Variants in SRGAP3 observed in about 807,000 individuals in gnomAD.
SRGAP3 encodes the protein SLIT-ROBO Rho GTPase-activating protein 3.
In SRGAP3, 39 loss-of-function variants were observed where a neutral mutation model predicts 121.1. The ratio of observed to expected loss-of-function variants is 0.32; its 90% CI spans 0.25 to 0.42. SRGAP3 has a LOEUF of 0.42. Among genes scored for constraint, SRGAP3 ranks in the 10% least tolerant of loss-of-function variants. The pLI is 1.00. For missense variants in SRGAP3, 1,213 were observed against 1,470.6 expected, an observed-to-expected ratio of 0.82 and a Z score of 2.86; for synonymous variants, 601 against 570.0, an observed-to-expected ratio of 1.05 and a Z score of -0.77.
At chr3:9,113,737 G>A (rs1231549328) in intron 2 of SRGAP3, among the ~76,000 whole-genome samples, 1 of 152,028 alleles carries the variant, frequency 6.6e-6, no homozygotes, top group Non-Finnish European at 1.5e-5. Flanking sequence ...GATAGTGAAT[G>A]AGTTCTCACA....
At position 9,096,937 on chromosome 3, in the gene SRGAP3, GTATATATATATATATATATA is replaced by G. The variant is rs58305278; in HGVS notation, c.423+7723_423+7742del. ...AATTATATATTTTTTACATTATTTTGTATATATATATATATATATATATATATATATATATATATATATAC... is the reference window on the plus strand; with the variant it reads ...AATTATATATTTTTTACATTATTTTGTATATATATATATATATATATATAC... On this transcript the variant is annotated intron_variant, in intron 3 of 21. Coordinates refer to ENST00000383836, the MANE Select transcript of SRGAP3 (RefSeq NM_014850.4). Among the ~76,000 whole-genome samples the G allele has an allele frequency of 8.8e-4, 54 of 61,324 alleles. 1 individual carries two copies. The highest frequency in any genetic ancestry group is 4.7e-3 in the East Asian group (7 of 1,496). 40.2% of individuals were successfully genotyped at this position (61,324 alleles called of 152,430 possible). A position where few individuals can be genotyped will look rare whatever the true frequency, so the allele number is the denominator to read the frequency against.
At chr3:9,119,467 T>C (rs896606488) in intron 2 of SRGAP3, among the ~76,000 whole-genome samples, 7 of 152,372 alleles carry the variant, frequency 4.6e-5, no homozygotes, top group African/African-American at 1.7e-4. Flanking sequence ...CCTCCACTGC[T>C]GCACGTTGCT....
Position 8,985,762 on chromosome 3 carries a change from G to A in SRGAP3, c.3057C>T (p.Arg1019=), listed in dbSNP as rs149990834. 2.5e-5 allele frequency: 40 copies of A among 1,599,510 alleles called. No homozygotes were observed. The African/African-American group carries it at 4.5e-4, about 18-fold the overall frequency. The change falls in exon 22 of 22, where the codon CGC becomes CGT. Residue 1019 remains arginine (R), a synonymous_variant. Transcript: ENST00000383836. The surrounding 1 kb of genome is among the most constrained non-coding windows in gnomAD (Gnocchi z 5.1). ...PASPLHTIVI[R]DPDAAMRRSS... ...TGCGGCGCATGGCGGCATCGGGGTC[G>A]CGGATGACGATGGTGTGAAGGGGAC...
chr3:9,080,515 T>C lies in SRGAP3; in HGVS notation c.424-428A>G, dbSNP rs112948502. 3.9e-5 allele frequency among the ~76,000 whole-genome samples: 6 copies of C among 152,338 alleles called. 1 individual carries two copies. The highest frequency in any genetic ancestry group is 1.4e-4 in the African/African-American group (6 of 41,578). On this transcript the variant is annotated intron_variant, in intron 3 of 21. Transcript: ENST00000383836. ...AGAACACACTTTGAGAAACAATGATTTGGCATCCCAATTCCTCTTGAGAGT... is the reference window on the plus strand; with the variant it reads ...AGAACACACTTTGAGAAACAATGATCTGGCATCCCAATTCCTCTTGAGAGT...
chr3:9,257,889 G>T (rs1017172923), intron 3 of SRGAP3, among the ~76,000 whole-genome samples: 9 of 151,958 alleles, frequency 5.9e-5, no homozygotes, highest in African/African-American at 2.2e-4. Flanking sequence ...ATTTTTAGTA[G>T]AGACGGGGTT....
At chr3:9,164,995 T>C (rs573741992) in intron 1 of SRGAP3, among the ~76,000 whole-genome samples, 1 of 152,246 alleles carries the variant, frequency 6.6e-6, no homozygotes, top group Non-Finnish European at 1.5e-5. Flanking sequence ...TGGAGTCCCA[T>C]GATCCCATAC....
intron 3 of SRGAP3, among the ~76,000 whole-genome samples, chr3:9,322,626 T>C (rs1955456144): frequency 6.6e-6 from 1 of 151,764 alleles, no homozygotes; most frequent in Non-Finnish European, 1.5e-5. Context: ...GGGATGTAGG[T>C]TGCATGCTCC....
chr3:9,223,363 G>T (rs1952879295), intron 1 of SRGAP3, among the ~76,000 whole-genome samples: 1 of 152,094 alleles, frequency 6.6e-6, no homozygotes, highest in African/African-American at 2.4e-5. Flanking sequence ...AGAGTACCTA[G>T]GTTAATAAGT....
Position 9,049,323 on chromosome 3 carries a change from T to C in SRGAP3, c.1324-1848A>G, listed in dbSNP as rs1945441249. On this transcript the variant is annotated intron_variant, in intron 9 of 21. Coordinates refer to ENST00000383836, the MANE Select transcript of SRGAP3 (RefSeq NM_014850.4). ...TTGTGGTGTCCTCTCTCCTTTTCCA[T>C]GGTCCTAGGCTCCCAGGACCTGGCC... 1.1e-5 allele frequency: 5 copies of C among 443,962 alleles called. No homozygotes were observed. In the Admixed American group the frequency reaches 1.2e-4, roughly 11 times the overall value. The allele number at this position is 443,962 out of a possible 1,614,324, so 27.5% of individuals were successfully genotyped here.
chr3:9,323,181 G>T (rs562194825), intron 3 of SRGAP3, among the ~76,000 whole-genome samples: 1 of 151,994 alleles, frequency 6.6e-6, no homozygotes, highest in African/African-American at 2.4e-5. Flanking sequence ...ACAGGGAGGG[G>T]TGCTGACTAT....
intron 1 of SRGAP3, among the ~76,000 whole-genome samples, chr3:9,200,724 C>A (rs143583049): frequency 1.3e-5 from 2 of 152,264 alleles, no homozygotes; most frequent in East Asian, 3.9e-4. Context: ...AATTGTTCTG[C>A]GCAGTCCAAA....
chr3:9,253,113 T>C (rs1386673216), upstream of SRGAP3, among the ~76,000 whole-genome samples: 1 of 152,194 alleles, frequency 6.6e-6, no homozygotes, highest in Non-Finnish European at 1.5e-5. Context: ...AAATCATCCT[T>C]GTTTTGAAGT....
At chr3:9,175,345 C>A (rs74408254) in intron 1 of SRGAP3, among the ~76,000 whole-genome samples, 2 of 152,160 alleles carry the variant, frequency 1.3e-5, no homozygotes, top group East Asian at 1.9e-4. Flanking sequence ...GGGTGTCCTA[C>A]GAAAAGAGAG....
At chr3:9,183,054 AACTC>A (rs200291106) in intron 1 of SRGAP3, among the ~76,000 whole-genome samples, 1,973 of 152,280 alleles carry the variant, frequency 0.013, 115 homozygotes, top group Admixed American at 0.1. Flanking sequence ...CTGTCACCCA[AACTC>A]ACCCAGTGAC....
At chr3:9,045,189 T>C (rs557851666) in intron 10 of SRGAP3, among the ~76,000 whole-genome samples, 141 of 115,566 alleles carry the variant, frequency 1.2e-3, no homozygotes, top group African/African-American at 3.9e-3. Flanking sequence ...GAAAGTTTAC[T>C]TTAAAAAAAA....
chr3:9,129,511 C>T (rs931027820), intron 1 of SRGAP3, among the ~76,000 whole-genome samples: 4 of 151,658 alleles, frequency 2.6e-5, no homozygotes, highest in South Asian at 4.2e-4. Flanking sequence ...GCTTCAGAGC[C>T]CACATAAAGC....
intron 3 of SRGAP3, chr3:9,293,124 C>A (rs967039057): frequency 6.6e-6 from 1 of 151,456 alleles, no homozygotes; most frequent in Non-Finnish European, 1.5e-5. Context: ...GAGAGCAACA[C>A]AATAAAAGAA....
intron 2 of SRGAP3, among the ~76,000 whole-genome samples, chr3:9,119,896 C>T (rs76240701): frequency 0.025 from 3,799 of 152,318 alleles, 150 homozygotes; most frequent in African/African-American, 0.087. Context: ...CCTCTGCTAG[C>T]TGAATATCAC....
At chr3:9,118,224 A>G (rs1205394028) in intron 2 of SRGAP3, among the ~76,000 whole-genome samples, 2 of 152,226 alleles carry the variant, frequency 1.3e-5, no homozygotes, top group African/African-American at 4.8e-5. Flanking sequence ...TAATTATTAC[A>G]AAAATCAGTC....
Sources: gnomAD v4.1 joint callset for allele counts (sites outside exome capture counted in the v4.1 genomes callset) on GRCh38, gnomAD v4.1.1 for gene constraint, Gnocchi (gnomAD v3.1) non-coding constraint, MANE v1.5 for transcripts, NCBI Gene and HGNC (gene_info 2026-07-23, HGNC 2026-07-21) for gene names.